PDZD2: variants seen among roughly 807,000 people sequenced by gnomAD.
The protein encoded by PDZD2 is PDZ domain-containing protein 2.
In PDZD2, 90 loss-of-function variants were observed where a neutral mutation model predicts 220.7. That is an observed-to-expected ratio of 0.41 (90% CI 0.34 to 0.49). The LOEUF is 0.49. Among genes scored for constraint, PDZD2 ranks in the 20% least tolerant of loss-of-function variants. PDZD2 has a pLI of 0.28. For missense variants in PDZD2, 3,174 were observed against 3,608.5 expected, an observed-to-expected ratio of 0.88 and a Z score of 3.08; for synonymous variants, 1,375 against 1,450.5, an observed-to-expected ratio of 0.95 and a Z score of 1.18.
intron 2 of PDZD2, among the ~76,000 whole-genome samples, chr5:31,833,467 CAAAAAAAAAAGAAAAAAAA>C (rs150998312): frequency 0.91 from 136,300 of 149,022 alleles, 62,233 homozygotes; most frequent in African/African-American, 0.95. Flanking sequence ...GACCCTGTCT[CAAAAAAAAAAGAAAAAAAA>C]AAAAAAAAAG....
At chr5:31,801,806 A>AT (rs1754408023) in intron 2 of PDZD2, among the ~76,000 whole-genome samples, 1 of 152,190 alleles carries the variant, frequency 6.6e-6, no homozygotes. Flanking sequence ...GTAGTAGTCT[A>AT]TATGTATTAA....
At chr5:31,798,820 T>C (rs928838875) in intron 1 of PDZD2, 69 bp from the exon 2 acceptor site, 52 of 177,642 alleles carry the variant, frequency 2.9e-4, no homozygotes, top group Non-Finnish European at 4.9e-4. Flanking sequence ...CACAGGAGGC[T>C]ATGTTTTCTA....
chr5:31,828,600 A>T (rs1756369966), intron 2 of PDZD2, among the ~76,000 whole-genome samples: 1 of 152,142 alleles, frequency 6.6e-6, no homozygotes, highest in Non-Finnish European at 1.5e-5. Flanking sequence ...GGCTCCAGCA[A>T]TCCTCCCACC....
In PDZD2 at chr5:31,646,281, A is replaced by G. The variant is rs990232069; in HGVS notation, c.-361+6844A>G. Among the ~76,000 whole-genome samples, 4 of 152,036 alleles carry G rather than the reference A, an allele frequency of 2.6e-5. No individual in the cohort carries two copies. Among genetic ancestry groups the G allele is most frequent in the African/African-American group, 9.7e-5 (4 of 41,370 alleles). On this transcript the variant is annotated intron_variant, in intron 1 of 24. Transcript: ENST00000438447. This position sits in a 1 kb window ranked among gnomAD's most constrained non-coding sequence, Gnocchi z 4.7. ...GCAAGTGTATTTTGGGGTAGCCATA[A>G]TATCTTGGGTTGGTGGGTACAAGTT...
intron 1 of PDZD2, among the ~76,000 whole-genome samples, chr5:31,650,535 A>G (rs746466880): frequency 5.3e-5 from 8 of 152,178 alleles, no homozygotes; most frequent in Non-Finnish European, 8.8e-5. Flanking sequence ...ATACTCACCC[A>G]GATTCCCAGT....
chr5:31,862,082 CTCAATGT>C (rs1408380471), intron 2 of PDZD2, among the ~76,000 whole-genome samples: 3 of 146,396 alleles, frequency 2.0e-5, no homozygotes, highest in Non-Finnish European at 4.5e-5. Flanking sequence ...TGTTAATAGA[CTCAATGT>C]TTTTTTTTTG....
chr5:31,859,615 CTT>C (rs1425277558), intron 2 of PDZD2, among the ~76,000 whole-genome samples: 3 of 152,190 alleles, frequency 2.0e-5, no homozygotes, highest in Admixed American at 6.5e-5. Context: ...TCCCTGCACT[CTT>C]TGTTTCCTCT....
chr5:31,706,423 G>A (rs1007690150), intron 1 of PDZD2, among the ~76,000 whole-genome samples: 4 of 152,100 alleles, frequency 2.6e-5, no homozygotes, highest in Non-Finnish European at 5.9e-5. Context: ...GGCAGTAGGG[G>A]CTGGTGTGCA....
At chr5:31,752,073 G>GTTTTTTTTTTT (rs3032803) in intron 1 of PDZD2, among the ~76,000 whole-genome samples, 5 of 95,070 alleles carry the variant, frequency 5.3e-5, no homozygotes, top group African/African-American at 1.7e-4. Context: ...TTTTGGGTTT[G>GTTTTTTTTTTT]TTTTTTTTTT....
At chr5:31,928,767 G>A (rs1181480917) in intron 2 of PDZD2, among the ~76,000 whole-genome samples, 1 of 152,056 alleles carries the variant, frequency 6.6e-6, no homozygotes, top group Non-Finnish European at 1.5e-5. Context: ...CCACGATGCC[G>A]GGCCAAGAAA....
intron 23 of PDZD2, chr5:32,100,820 G>GGATT: frequency 7.6e-7 from 1 of 1,309,046 alleles, no homozygotes; most frequent in African/African-American, 1.4e-5. Flanking sequence ...TGCTTTCTGG[G>GGATT]GATTTCTGCT....
In PDZD2 at chr5:32,074,096, CAG is replaced by C; in HGVS notation, c.2993_2994del (p.Glu998GlyfsTer2). The stretch of plus-strand genomic sequence containing the variant: ...CTCCCGGGTCCCATCAGGCCTCTGT[CAG>C]AGGATGACCCGAGGCGTGTCTCAAT... On this transcript the variant is annotated frameshift_variant, in exon 18 of 25. Coordinates refer to ENST00000438447, the MANE Select transcript of PDZD2 (RefSeq NM_178140.4). LOFTEE classifies it high-confidence loss of function. The C allele has an allele frequency of 6.2e-7, 1 of 1,614,222 alleles. No homozygotes were observed. Among genetic ancestry groups the C allele is most frequent in the African/African-American group, 1.3e-5 (1 of 75,070 alleles).
rs934320819 is a variant in PDZD2, at chr5:31,792,092, A to C, written c.-360-6797A>C. 2.6e-5 allele frequency among the ~76,000 whole-genome samples: 4 copies of C among 152,340 alleles called. No homozygotes were observed. In the South Asian group the frequency reaches 6.2e-4, roughly 24 times the overall value. ...ATACCTGCAAGAGAGACTGCATTTT[A>C]GTTTAATTCATTGCCACTCCCAACA... On this transcript the variant is annotated intron_variant, in intron 1 of 24. Transcript: ENST00000438447.
chr5:31,855,198 TC>T (rs1233033447), intron 2 of PDZD2: 5 of 804,582 alleles, frequency 6.2e-6, no homozygotes, highest in Non-Finnish European at 7.5e-6. Flanking sequence ...GGCGAAAGCC[TC>T]AGGTTTTCTG....
intron 1 of PDZD2, among the ~76,000 whole-genome samples, chr5:31,763,908 A>T (rs1253815279): frequency 6.6e-6 from 1 of 151,280 alleles, no homozygotes; most frequent in African/African-American, 2.4e-5. Flanking sequence ...TAGACCTTTA[A>T]TCTCTGAGAG....
intron 2 of PDZD2, chr5:31,840,873 T>C (rs996143653): frequency 5.5e-5 from 38 of 688,622 alleles, no homozygotes; most frequent in African/African-American, 5.3e-4. Context: ...ACCTTTCTTA[T>C]AGATTCACAT....
intron 2 of PDZD2, among the ~76,000 whole-genome samples, chr5:31,869,190 T>C (rs534379852): frequency 4.8e-4 from 73 of 152,290 alleles, no homozygotes; most frequent in Non-Finnish European, 9.6e-4. Context: ...TCAGGACAAA[T>C]CCATTTACTT....
Position 32,098,758 on chromosome 5 carries a change from G to T in PDZD2, c.8218+124G>T. The T allele has an allele frequency of 2.2e-6, 2 of 895,714 alleles. No individual in the cohort carries two copies. Among genetic ancestry groups the T allele is most frequent in the South Asian group, 3.6e-5 (2 of 56,072 alleles). 55.5% of individuals were successfully genotyped at this position (895,714 alleles called of 1,614,324 possible). Reference sequence around the variant, plus strand: ...GATCTGAAAAATTAAATGTAGCGAAGTCTAGTGTGTTTGGATGCTGCTTAC... The same window carrying T: ...GATCTGAAAAATTAAATGTAGCGAATTCTAGTGTGTTTGGATGCTGCTTAC... On this transcript the variant is annotated intron_variant, in intron 23 of 24. Transcript: ENST00000438447. The surrounding 1 kb of genome is among the most constrained non-coding windows in gnomAD (Gnocchi z 4.1).
At chr5:31,800,423 G>A (rs936245855) in intron 2 of PDZD2, among the ~76,000 whole-genome samples, 1 of 152,104 alleles carries the variant, frequency 6.6e-6, no homozygotes, top group African/African-American at 2.4e-5. Flanking sequence ...TTTTCTTGGG[G>A]GTGGGTCATG....
Sources: gnomAD v4.1 joint callset for allele counts (sites outside exome capture counted in the v4.1 genomes callset) on GRCh38, gnomAD v4.1.1 for gene constraint, Gnocchi (gnomAD v3.1) non-coding constraint, MANE v1.5 for transcripts, NCBI Gene and HGNC (gene_info 2026-07-23, HGNC 2026-07-21) for gene names.